Variants in HK1 observed in about 807,000 individuals in gnomAD.
HK1 encodes hexokinase 1.
In HK1, 28 loss-of-function variants were observed where a neutral mutation model predicts 91.6. The observed-to-expected ratio is 0.31, with a 90% CI of 0.23 to 0.42. The LOEUF is 0.42. HK1 is among the 10% of genes least tolerant of loss of function. The pLI is 1.00. For missense variants in HK1, 770 were observed against 1,219.8 expected (o/e 0.63, Z 5.49); for synonymous variants, 430 against 468.1 (o/e 0.92, Z 1.05).
intron 1 of HK1, among the ~76,000 whole-genome samples, chr10:69,340,582 G>A (rs1818971946): frequency 6.6e-6 from 1 of 152,112 alleles, no homozygotes; most frequent in South Asian, 2.1e-4. Context: ...TTTTAGAGGT[G>A]CGATATCACT....
At chr10:69,353,618 C>CAAAAAAAAAAAAAAAAAACA (rs71471542) in intron 2 of HK1, among the ~76,000 whole-genome samples, 1 of 116,720 alleles carries the variant, frequency 8.6e-6, no homozygotes. Flanking sequence ...CAAACAAAAC[C>CAAAAAAAAAAAAAAAAAACA]AAAAAAAAAA....
chr10:69,326,957 A>G (rs1847412862), intron 1 of HK1, among the ~76,000 whole-genome samples: 1 of 144,846 alleles, frequency 6.9e-6, no homozygotes, highest in African/African-American at 2.6e-5. Flanking sequence ...TATACTGACT[A>G]TGTGTTTAAG....
intron 5 of HK1, among the ~76,000 whole-genome samples, chr10:69,306,765 AG>A: frequency 6.6e-6 from 1 of 152,306 alleles, no homozygotes; most frequent in East Asian, 1.9e-4. Flanking sequence ...TTTAGGGTAA[AG>A]GGATTTCCTC....
intron 1 of HK1, among the ~76,000 whole-genome samples, chr10:69,325,212 C>A (rs1372668211): frequency 7.0e-6 from 1 of 143,692 alleles, no homozygotes; most frequent in Non-Finnish European, 1.5e-5. Flanking sequence ...CCACCACTCC[C>A]GTCTAATTTT....
At chr10:69,297,571 A>G (rs962184250) in intron 4 of HK1, among the ~76,000 whole-genome samples, 1 of 152,088 alleles carries the variant, frequency 6.6e-6, no homozygotes, top group Admixed American at 6.6e-5. Flanking sequence ...GACCATCTTT[A>G]GCATATTCTG....
At chr10:69,363,763 G>C (rs990726307) in intron 3 of HK1, among the ~76,000 whole-genome samples, 2 of 152,222 alleles carry the variant, frequency 1.3e-5, no homozygotes, top group African/African-American at 2.4e-5. Flanking sequence ...CTCATGGGCA[G>C]TATTCATGTA....
At chr10:69,297,120 CA>C (rs1297954191) in intron 4 of HK1, among the ~76,000 whole-genome samples, 75 of 152,224 alleles carry the variant, frequency 4.9e-4, no homozygotes, top group African/African-American at 1.7e-3. Flanking sequence ...TACTGTTGAC[CA>C]AAAGCCTTAC....
chr10:69,303,409 G>T (rs905210527), intron 5 of HK1, among the ~76,000 whole-genome samples: 1 of 148,860 alleles, frequency 6.7e-6, no homozygotes, highest in Non-Finnish European at 1.5e-5. Context: ...GTAGAGAATT[G>T]CAATAGAGAA....
intron 3 of HK1, chr10:69,288,796 TTTC>T: frequency 6.2e-7 from 1 of 1,608,756 alleles, no homozygotes; most frequent in Non-Finnish European, 8.5e-7. Flanking sequence ...TCTTTCTTTC[TTTC>T]TTTTTTTGAG....
chr10:69,384,294 A>T, intron 10 of HK1, 39 bp from the exon 11 acceptor site: 1 of 1,614,010 alleles, frequency 6.2e-7, no homozygotes, highest in Non-Finnish European at 8.5e-7. Flanking sequence ...AGAGGCACTT[A>T]GCTGTTTTTG....
At chr10:69,371,468 G>C (rs1850002679) in intron 7 of HK1, among the ~76,000 whole-genome samples, 1 of 152,206 alleles carries the variant, frequency 6.6e-6, no homozygotes, top group African/African-American at 2.4e-5. Flanking sequence ...CACATGGCAT[G>C]TATACCCTGT....
intron 1 of HK1, among the ~76,000 whole-genome samples, chr10:69,333,451 G>T (rs955684636): frequency 6.6e-6 from 1 of 152,166 alleles, no homozygotes; most frequent in South Asian, 2.1e-4. Flanking sequence ...GGGCTGTTCT[G>T]TTCTCCCCGA....
At chr10:69,391,202 A>G (rs1277451057) in intron 14 of HK1, among the ~76,000 whole-genome samples, 1 of 152,236 alleles carries the variant, frequency 6.6e-6, no homozygotes, top group Admixed American at 6.5e-5. Context: ...AAGGTCTGAT[A>G]CAAAAATGAT....
intron 2 of HK1, among the ~76,000 whole-genome samples, chr10:69,356,904 A>AC: frequency 6.7e-6 from 1 of 149,224 alleles, no homozygotes; most frequent in Non-Finnish European, 1.5e-5. Flanking sequence ...AAAAAAAAAA[A>AC]GGAAAAGATA....
At chr10:69,345,050 G>A (rs531177358) in intron 2 of HK1, among the ~76,000 whole-genome samples, 120 of 152,226 alleles carry the variant, frequency 7.9e-4, no homozygotes, top group Non-Finnish European at 1.5e-3. Flanking sequence ...TGGACGCCAG[G>A]AAACTGCAGC....
At chr10:69,389,696 C>T (rs4745986) in intron 14 of HK1, among the ~76,000 whole-genome samples, 2 of 151,488 alleles carry the variant, frequency 1.3e-5, no homozygotes, top group African/African-American at 4.9e-5. Context: ...AGGGAGTCTG[C>T]GGCTGGAAAG....
At chr10:69,336,891 C>T (rs913352756) in intron 1 of HK1, among the ~76,000 whole-genome samples, 9 of 150,094 alleles carry the variant, frequency 6.0e-5, no homozygotes, top group Admixed American at 3.3e-4. Context: ...GTGATCCACC[C>T]GCCTCGGCCT....
intron 5 of HK1, among the ~76,000 whole-genome samples, chr10:69,306,427 A>C (rs1008640874): frequency 5.9e-5 from 9 of 152,084 alleles, no homozygotes; most frequent in African/African-American, 2.2e-4. Flanking sequence ...AAGGGTGAGC[A>C]GTGCAGGAAA....
At chr10:69,297,174 A>G (rs1034173469) in intron 4 of HK1, among the ~76,000 whole-genome samples, 8 of 152,260 alleles carry the variant, frequency 5.3e-5, no homozygotes, top group African/African-American at 1.9e-4. Context: ...TATGTTTTAT[A>G]TACTATATTC....
Sources: allele counts gnomAD v4.1 joint callset (sites outside exome capture counted in the v4.1 genomes callset), GRCh38; gene constraint gnomAD v4.1.1; transcripts MANE v1.5; gene names NCBI Gene and HGNC (gene_info 2026-07-23, HGNC 2026-07-21).